SMAP1: variants seen among roughly 807,000 people sequenced by gnomAD.
SMAP1 encodes the protein stromal membrane-associated protein 1.
Under a neutral mutation model 58.5 loss-of-function variants are expected in SMAP1, and 24 were observed. The ratio of observed to expected loss-of-function variants is 0.41; its 90% CI spans 0.30 to 0.58. The LOEUF is 0.58. Among genes scored for constraint, SMAP1 ranks in the 20% least tolerant of loss-of-function variants. The probability of loss-of-function intolerance (pLI) is 0.29; values close to 1 mark genes in which losing one functional copy is unlikely to be tolerated. For synonymous variants in SMAP1, 216 were observed against 196.6 expected (o/e 1.10, Z -0.82); for missense variants, 563 against 566.3 (o/e 0.99, Z 0.06).
At chr6:70,805,833 G>A (rs550190010) in intron 6 of SMAP1, among the ~76,000 whole-genome samples, 3 of 152,286 alleles carry the variant, frequency 2.0e-5, no homozygotes, top group South Asian at 2.1e-4. Flanking sequence ...CACCAGCAGA[G>A]GCTGCAGAAC....
intron 6 of SMAP1, among the ~76,000 whole-genome samples, chr6:70,800,037 C>CT (rs1256814909): frequency 2.0e-5 from 3 of 151,992 alleles, no homozygotes; most frequent in African/African-American, 7.2e-5. Context: ...TCTTTTTTGC[C>CT]TTCTTTTTTT....
chr6:70,807,801 A>G (rs1769201824), intron 6 of SMAP1, among the ~76,000 whole-genome samples: 1 of 152,108 alleles, frequency 6.6e-6, no homozygotes. Context: ...TGACACTAGA[A>G]CAGTGCTGGA....
At chr6:70,695,065 A>G (rs1767344212) in intron 1 of SMAP1, among the ~76,000 whole-genome samples, 1 of 152,210 alleles carries the variant, frequency 6.6e-6, no homozygotes, top group South Asian at 2.1e-4. Context: ...TAATGGGATT[A>G]CTTTCTTGAT....
chr6:70,694,104 A>G, intron 1 of SMAP1: 1 of 286,324 alleles, frequency 3.5e-6, no homozygotes, highest in Non-Finnish European at 6.8e-6. Flanking sequence ...AATCCTTTGG[A>G]AAGTTACTTT....
chr6:70,670,103 T>C (rs957512711), intron 1 of SMAP1, among the ~76,000 whole-genome samples: 4 of 152,180 alleles, frequency 2.6e-5, no homozygotes, highest in Admixed American at 6.5e-5. Flanking sequence ...TCAGTAGATA[T>C]ATATTGAATG....
intron 4 of SMAP1, among the ~76,000 whole-genome samples, chr6:70,781,858 A>G (rs1356515290): frequency 2.0e-5 from 3 of 152,140 alleles, no homozygotes; most frequent in Non-Finnish European, 4.4e-5. Flanking sequence ...TGCATGAGGT[A>G]AGTTTATACA....
intron 1 of SMAP1, among the ~76,000 whole-genome samples, chr6:70,700,179 C>T (rs541424782): frequency 2.2e-4 from 33 of 152,276 alleles, no homozygotes; most frequent in African/African-American, 6.3e-4. Flanking sequence ...CTCCTTCTCT[C>T]GCCATATGGC....
At chr6:70,676,892 C>T (rs1163827475) in intron 1 of SMAP1, among the ~76,000 whole-genome samples, 2 of 152,090 alleles carry the variant, frequency 1.3e-5, no homozygotes, top group Admixed American at 6.5e-5. Context: ...AAGTGATCCA[C>T]CTGCCACAGC....
intron 5 of SMAP1, among the ~76,000 whole-genome samples, chr6:70,795,542 A>C (rs1466885060): frequency 6.6e-6 from 1 of 152,122 alleles, no homozygotes; most frequent in Admixed American, 6.5e-5. Flanking sequence ...CTTTTTAATA[A>C]GGGTGTGAAT....
intron 7 of SMAP1, among the ~76,000 whole-genome samples, chr6:70,839,391 G>T (rs947065969): frequency 3.9e-5 from 6 of 152,170 alleles, no homozygotes; most frequent in African/African-American, 1.2e-4. Flanking sequence ...AAAGTAGTCA[G>T]CTCTTGCTGT....
chr6:70,752,576 G>A (rs1172990043), intron 2 of SMAP1, among the ~76,000 whole-genome samples: 2 of 151,838 alleles, frequency 1.3e-5, no homozygotes, highest in Non-Finnish European at 2.9e-5. Flanking sequence ...CTACTTACTG[G>A]GCAGAGTTTA....
At chr6:70,785,043 A>T (rs1255225015) in intron 4 of SMAP1, among the ~76,000 whole-genome samples, 1 of 152,196 alleles carries the variant, frequency 6.6e-6, no homozygotes, top group Non-Finnish European at 1.5e-5. Context: ...AATTGACCAC[A>T]TAGTTGGAAG....
At position 70,821,516 on chromosome 6, in the gene SMAP1, C is replaced by T. The variant is rs118143516; in HGVS notation, c.577-15425C>T. ...TGTGCTAATCAAGAGTACAGAATTT[C>T]CTGGCAGTTGAGAGGTTATCTTTAA... On this transcript the variant is annotated intron_variant, in intron 6 of 10. Transcript: ENST00000370455. Among the ~76,000 whole-genome samples the T allele has an allele frequency of 4.6e-3, 707 of 152,156 alleles. 5 individuals carry two copies. The highest frequency in any genetic ancestry group is 0.014 in the Middle Eastern group (4 of 294).
intron 2 of SMAP1, among the ~76,000 whole-genome samples, chr6:70,740,428 T>G (rs1411762210): frequency 4.6e-5 from 7 of 151,156 alleles, no homozygotes; most frequent in African/African-American, 1.5e-4. Context: ...GCATAGGGCA[T>G]GTGCCTGTAG....
chr6:70,675,022 CTAGT>C (rs1766419015), intron 1 of SMAP1, among the ~76,000 whole-genome samples: 1 of 151,720 alleles, frequency 6.6e-6, no homozygotes, highest in Non-Finnish European at 1.5e-5. Flanking sequence ...TGTCTACAAG[CTAGT>C]TAGAGATCTC....
chr6:70,861,536 A>ATGAC lies in SMAP1; in HGVS notation c.*1203_*1206dup. 1 of 762,150 alleles carries ATGAC rather than the reference A, an allele frequency of 1.3e-6. No individual in the cohort carries two copies. The highest frequency in any genetic ancestry group is 2.2e-6 in the Non-Finnish European group (1 of 462,434). 47.2% of individuals were successfully genotyped at this position (762,150 alleles called of 1,614,324 possible). ...CTCCATTTAAACAGATGTCCATCAG[A>ATGAC]TGACAAGAAAGGCTGCTGTACTGAA... On this transcript the variant is annotated 3_prime_UTR_variant, in exon 11 of 11. Coordinates refer to ENST00000370455, the MANE Select transcript of SMAP1 (RefSeq NM_001044305.3).
Position 70,823,952 on chromosome 6 carries a change from G to A in SMAP1, c.577-12989G>A, listed in dbSNP as rs181241238. On this transcript the variant is annotated intron_variant, in intron 6 of 10. Coordinates refer to ENST00000370455, the MANE Select transcript of SMAP1 (RefSeq NM_001044305.3). ...GGAGGTAAAACTCAGAAGGGTGAGG[G>A]CCACCCTATGACCTGGATCCCCTGA... Among the ~76,000 whole-genome samples, 17 of 151,472 alleles carry A rather than the reference G, an allele frequency of 1.1e-4. No individual in the cohort carries two copies. In the East Asian group the frequency reaches 1.8e-3, roughly 16 times the overall value.
chr6:70,835,179 G>A (rs1296925972), intron 6 of SMAP1, among the ~76,000 whole-genome samples: 8 of 149,168 alleles, frequency 5.4e-5, no homozygotes, highest in African/African-American at 2.0e-4. Context: ...TTGAACCCGA[G>A]AGGCGGAGCT....
At chr6:70,703,541 T>C (rs144821246) in intron 1 of SMAP1, among the ~76,000 whole-genome samples, 1 of 152,238 alleles carries the variant, frequency 6.6e-6, no homozygotes, top group African/African-American at 2.4e-5. Context: ...ACTACAGGAC[T>C]TTATAGAATT....
Sources: allele counts gnomAD v4.1 joint callset (sites outside exome capture counted in the v4.1 genomes callset), GRCh38; gene constraint gnomAD v4.1.1; transcripts MANE v1.5; gene names NCBI Gene and HGNC (gene_info 2026-07-23, HGNC 2026-07-21).